The following OTOGL variants were observed in gnomAD, a reference collection of about 807,000 sequenced individuals.
The protein encoded by OTOGL is otogelin-like protein.
Under a neutral mutation model 318.5 loss-of-function variants are expected in OTOGL, and 285 were observed. The observed-to-expected ratio is 0.89, with a 90% CI of 0.81 to 0.99. The LOEUF (loss-of-function observed/expected upper bound fraction) is 0.99, where lower values mean the gene tolerates loss of function less well. Among genes scored for constraint, OTOGL ranks in the 50% least tolerant of loss-of-function variants. The pLI is 0.00. For synonymous variants in OTOGL, 987 were observed against 936.5 expected (o/e 1.05, Z -0.99); for missense variants, 2,899 against 2,845.6 (o/e 1.02, Z -0.43).
At chr12:80,296,489 T>G (rs1318188635) in intron 26 of OTOGL, among the ~76,000 whole-genome samples, 2 of 152,188 alleles carry the variant, frequency 1.3e-5, no homozygotes, top group African/African-American at 4.8e-5. Flanking sequence ...AATGAATATT[T>G]TTTAAAGATT....
chr12:80,248,511 G>C (rs1283996552), intron 11 of OTOGL, among the ~76,000 whole-genome samples: 2 of 136,120 alleles, frequency 1.5e-5, no homozygotes, highest in Admixed American at 7.3e-5. Flanking sequence ...CTTCTGGCTT[G>C]TAGGGTTTCT....
chr12:80,296,741 C>A, intron 26 of OTOGL, 86 bp from the exon 27 acceptor site: 1 of 1,047,728 alleles, frequency 9.5e-7, no homozygotes, highest in South Asian at 3.1e-5. Context: ...AATCCATTGT[C>A]AATATTTAAG....
intron 34 of OTOGL, among the ~76,000 whole-genome samples, chr12:80,323,188 C>T (rs1276073773): frequency 6.6e-6 from 1 of 151,478 alleles, no homozygotes; most frequent in Non-Finnish European, 1.5e-5. Context: ...CTCCTCCAAC[C>T]ACTTGCTTTT....
intron 26 of OTOGL, among the ~76,000 whole-genome samples, chr12:80,294,766 A>G (rs946346729): frequency 6.6e-6 from 1 of 152,206 alleles, no homozygotes; most frequent in Non-Finnish European, 1.5e-5. Flanking sequence ...GTGTTGTGAA[A>G]AACTAAGTGT....
At chr12:80,260,436 G>T (rs1438251863) in intron 18 of OTOGL, among the ~76,000 whole-genome samples, 1 of 152,064 alleles carries the variant, frequency 6.6e-6, no homozygotes, top group Non-Finnish European at 1.5e-5. Flanking sequence ...CGGCAGATCT[G>T]TCTGCCTCTT....
chr12:80,250,038 G>T (rs192721831), intron 11 of OTOGL, among the ~76,000 whole-genome samples: 1 of 152,010 alleles, frequency 6.6e-6, no homozygotes, highest in East Asian at 1.9e-4. Flanking sequence ...CACGGTGCGC[G>T]CACCCACTGA....
At chr12:80,179,858 C>G (rs1407043686) in intron 1 of OTOGL, among the ~76,000 whole-genome samples, 1 of 152,218 alleles carries the variant, frequency 6.6e-6, no homozygotes, top group Non-Finnish European at 1.5e-5. Context: ...AATATACAAA[C>G]TCCTTTTGCT....
intron 19 of OTOGL, among the ~76,000 whole-genome samples, chr12:80,264,382 A>G (rs1192907280): frequency 6.6e-6 from 1 of 152,172 alleles, no homozygotes; most frequent in African/African-American, 2.4e-5. Context: ...CCTTCAGCAT[A>G]TACCCTAATC....
At chr12:80,108,786 T>TATATATATACAC (rs1869617152) in intron 1 of OTOGL, among the ~76,000 whole-genome samples, 3 of 124,188 alleles carry the variant, frequency 2.4e-5, no homozygotes, top group Non-Finnish European at 5.2e-5. Context: ...TATATATATA[T>TATATATATACAC]GTATATATAT....
intron 46 of OTOGL, among the ~76,000 whole-genome samples, chr12:80,354,948 A>C (rs1229997831): frequency 1.3e-5 from 2 of 152,274 alleles, no homozygotes; most frequent in African/African-American, 4.8e-5. Flanking sequence ...TAGATTTTAA[A>C]GCAGAAATAT....
chr12:80,199,996 C>T (rs1359043832), intron 1 of OTOGL, among the ~76,000 whole-genome samples: 1 of 152,184 alleles, frequency 6.6e-6, no homozygotes, highest in Non-Finnish European at 1.5e-5. Context: ...TGTTCCAATC[C>T]TTCCCACTGA....
Position 80,137,029 on chromosome 12 carries a change from A to C in OTOGL, c.-20+37424A>C, listed in dbSNP as rs527453483. Among the ~76,000 whole-genome samples the C allele has an allele frequency of 2.8e-3, 421 of 152,274 alleles. 1 individual carries two copies. Among genetic ancestry groups the C allele is most frequent in the African/African-American group, 9.5e-3 (395 of 41,568 alleles). On this transcript the variant is annotated intron_variant, in intron 1 of 58. Coordinates refer to ENST00000547103, the MANE Select transcript of OTOGL (RefSeq NM_001378609.3). ...ATTAATGCTGTCAGTCACAGAAAAA[A>C]AAGTGCATTGTTTTCTGATCGGTTT... is the stretch of plus-strand genomic sequence containing the variant.
intron 45 of OTOGL, 107 bp downstream of exon 45, chr12:80,352,543 A>C (rs1889618463): frequency 1.0e-6 from 1 of 959,532 alleles, no homozygotes; most frequent in African/African-American, 1.7e-5. Flanking sequence ...TAGTAAGCAT[A>C]AAATGCACAG....
At position 80,336,103 on chromosome 12, in the gene OTOGL, G is replaced by A. The variant is rs1888378568; in HGVS notation, c.4563G>A (p.Val1521=). Residue 1521 remains valine (V), a synonymous_variant, in exon 39 of 59, where the codon GTG becomes GTA. Coordinates refer to ENST00000547103, the MANE Select transcript of OTOGL (RefSeq NM_001378609.3). ...GTTTCCGAGGAAGGCCAGTTCAAGT[G>A]AACAGTGATATCTGCTGCCCTGAGT... ...DCGFRGRPVQ[V]NSDICCPEWE... is the part of the protein sequence containing the mutation. The A allele has an allele frequency of 6.3e-7, 1 of 1,598,330 alleles. No homozygotes were observed.
intron 1 of OTOGL, among the ~76,000 whole-genome samples, chr12:80,145,368 A>G (rs1247265930): frequency 6.6e-6 from 1 of 152,094 alleles, no homozygotes; most frequent in East Asian, 1.9e-4. Flanking sequence ...AGATAGTTGT[A>G]GATATGCGGC....
rs1429264175 is a variant in OTOGL at position 80,332,987 on chromosome 12, C to T, written c.4349-18C>T. 6.4e-7 allele frequency: 1 copy of T among 1,565,422 alleles called. No homozygotes were observed. Among genetic ancestry groups the T allele is most frequent in the Non-Finnish European group, 8.7e-7 (1 of 1,148,856 alleles). Reference sequence around the variant, plus strand: ...AAATGCATTCCACTAATGAGGATTACTTTTTCATTTCTGACAGTTTGGGAA... The same window carrying T: ...AAATGCATTCCACTAATGAGGATTATTTTTTCATTTCTGACAGTTTGGGAA... On this transcript the variant is annotated intron_variant, in intron 37 of 58. Transcript: ENST00000547103.
intron 1 of OTOGL, among the ~76,000 whole-genome samples, chr12:80,167,529 G>C (rs572766881): frequency 6.6e-6 from 1 of 152,218 alleles, no homozygotes; most frequent in Non-Finnish European, 1.5e-5. Context: ...AAGTGAGATA[G>C]ATATTAATTT....
At chr12:80,213,724 A>G (rs73356992) in intron 4 of OTOGL, among the ~76,000 whole-genome samples, 3,101 of 152,284 alleles carry the variant, frequency 0.02, 116 homozygotes, top group African/African-American at 0.07. Flanking sequence ...GAAGAGCAGG[A>G]GACTTGTACT....
intron 29 of OTOGL, among the ~76,000 whole-genome samples, chr12:80,308,721 T>G (rs1476997249): frequency 6.6e-6 from 1 of 152,194 alleles, no homozygotes; most frequent in Non-Finnish European, 1.5e-5. Flanking sequence ...TCCCGGCACC[T>G]TGGGAGGCCG....
Sources: gnomAD v4.1 joint callset for allele counts (sites outside exome capture counted in the v4.1 genomes callset) on GRCh38, gnomAD v4.1.1 for gene constraint, MANE v1.5 for transcripts, NCBI Gene and HGNC (gene_info 2026-07-23, HGNC 2026-07-21) for gene names.